Variants in SEMA6A observed in about 807,000 individuals in gnomAD.
SEMA6A encodes the protein semaphorin 6A.
In SEMA6A, 25 loss-of-function variants were observed where a neutral mutation model predicts 96.8. The observed-to-expected ratio is 0.26, with a 90% CI of 0.19 to 0.36. The LOEUF (loss-of-function observed/expected upper bound fraction) is 0.36. Among genes scored for constraint, SEMA6A ranks in the 10% least tolerant of loss-of-function variants. The pLI, the probability that SEMA6A is intolerant of heterozygous loss-of-function variation, is 1.00. For missense variants in SEMA6A, 1,363 were observed against 1,323.1 expected (o/e 1.03, Z -0.47); for synonymous variants, 612 against 518.0 (o/e 1.18, Z -2.46).
Position 116,516,130 on chromosome 5 carries a change from C to A in SEMA6A, c.-38-11148G>T, listed in dbSNP as rs77659032. Reference sequence around the variant, plus strand: ...GATGAGCTCTGATGCTTTCCCAGAACCCTGAAAGCCAAAAATAGAGTTTCT... The same window carrying A: ...GATGAGCTCTGATGCTTTCCCAGAAACCTGAAAGCCAAAAATAGAGTTTCT... On this transcript the variant is annotated intron_variant, in intron 1 of 18. Transcript: ENST00000343348. Among the ~76,000 whole-genome samples, 16 of 152,240 alleles carry A rather than the reference C, an allele frequency of 1.1e-4. No homozygotes were observed. In the East Asian group the frequency reaches 2.9e-3, roughly 28 times the overall value.
chr5:116,466,059 TAAAAA>T (rs35801222), intron 18 of SEMA6A, among the ~76,000 whole-genome samples: 3 of 93,656 alleles, frequency 3.2e-5, no homozygotes, highest in African/African-American at 8.6e-5. Flanking sequence ...AAAACCAGCT[TAAAAA>T]AAAAAAAAAA....
chr5:116,519,396 C>T (rs60388894), intron 1 of SEMA6A, among the ~76,000 whole-genome samples: 7,136 of 152,200 alleles, frequency 0.047, 587 homozygotes, highest in African/African-American at 0.16. Context: ...GAGAAAATAT[C>T]GTACAAGTGT....
In SEMA6A at chr5:116,480,203, T is replaced by C; in HGVS notation, c.1169A>G (p.Asn390Ser). Residue 390 changes from asparagine (N) to serine (S), a missense_variant, in exon 12 of 19, where the codon AAC becomes AGC. Transcript: ENST00000343348. ...TSNEFPDDTL[N>S]FIKTHPLMDE... ...CATGAGCGGGTGCGTCTTGATGAAG[T>C]TCAGGGTATCATCAGGGAACTCATT... 1 of 1,613,798 alleles carries C rather than the reference T, an allele frequency of 6.2e-7. No homozygotes were observed. Among genetic ancestry groups the C allele is most frequent in the Non-Finnish European group, 8.5e-7 (1 of 1,179,772 alleles).
chr5:116,507,732 C>A (rs1758214929), intron 1 of SEMA6A, among the ~76,000 whole-genome samples: 1 of 152,148 alleles, frequency 6.6e-6, no homozygotes, highest in Non-Finnish European at 1.5e-5. Context: ...GGAAGACTGT[C>A]AATATAAGGA....
chr5:116,568,607 A>C (rs1267131598), intron 1 of SEMA6A, among the ~76,000 whole-genome samples: 1 of 152,228 alleles, frequency 6.6e-6, no homozygotes, highest in Non-Finnish European at 1.5e-5. Context: ...CTGTCTTCTT[A>C]GCTCTGTTTC....
chr5:116,496,319 G>A lies in SEMA6A; in HGVS notation c.280-6C>T. On this transcript the variant is annotated splice_polypyrimidine_tract_variant and splice_region_variant and intron_variant, in intron 4 of 18. Transcript: ENST00000343348. ...CTAGATTTCCATGTCAGTTTCTGCA[G>A]GGATCAAGAAAGAAATCAATTAGAG... The A allele has an allele frequency of 6.2e-7, 1 of 1,613,176 alleles. No individual in the cohort carries two copies. Among genetic ancestry groups the A allele is most frequent in the African/African-American group, 1.3e-5 (1 of 74,998 alleles).
intron 1 of SEMA6A, among the ~76,000 whole-genome samples, chr5:116,507,398 G>T (rs1758188432): frequency 6.6e-6 from 1 of 152,096 alleles, no homozygotes; most frequent in African/African-American, 2.4e-5. Context: ...TTTGCGGAGG[G>T]ATCCCAATTC....
chr5:116,574,556 G>T lies in SEMA6A; in HGVS notation c.-410C>A, dbSNP rs1429835904. 2 of 143,558 alleles carry T rather than the reference G, an allele frequency of 1.4e-5. No individual in the cohort carries two copies. The highest frequency in any genetic ancestry group is 7.0e-5 in the Admixed American group (1 of 14,234). 8.9% of individuals were successfully genotyped at this position (143,558 alleles called of 1,614,324 possible). ...TCCACTTCGGTGAGTCCCCTTGGTG[G>T]TGTCTGCGCCGATTAACAAGTCATT... On this transcript the variant is annotated 5_prime_UTR_variant, in exon 1 of 19. Transcript: ENST00000343348.
intron 18 of SEMA6A, chr5:116,449,524 C>A: frequency 1.8e-6 from 1 of 555,000 alleles, no homozygotes; most frequent in Non-Finnish European, 3.2e-6. Flanking sequence ...GAAGCTTTCT[C>A]ATGGGGGTTT....
intron 1 of SEMA6A, among the ~76,000 whole-genome samples, chr5:116,535,648 G>A (rs1394055474): frequency 6.6e-6 from 1 of 152,200 alleles, no homozygotes; most frequent in Non-Finnish European, 1.5e-5. Flanking sequence ...TTGAAAAACA[G>A]GCTAAGACTG....
chr5:116,475,623 AAG>A lies in SEMA6A; in HGVS notation c.1650-22_1650-21del, dbSNP rs1181564796. ...GTCAGTCTTTTAAAAAAGGAAGGGA[AAG>A]AGAGACAGAAATGAATACAATAACG... On this transcript the variant is annotated intron_variant, in intron 15 of 18. Transcript: ENST00000343348. The A allele has an allele frequency of 2.6e-6, 4 of 1,563,876 alleles. No individual in the cohort carries two copies. Among genetic ancestry groups the A allele is most frequent in the African/African-American group, 2.7e-5 (2 of 74,114 alleles).
At chr5:116,495,288 A>G in intron 6 of SEMA6A, 125 bp downstream of exon 6, 1 of 713,462 alleles carries the variant, frequency 1.4e-6, no homozygotes, top group Admixed American at 2.3e-5. Context: ...CAATACATTA[A>G]GTTGAACAAG....
chr5:116,509,607 T>TGTGAGAGA (rs1554088477), intron 1 of SEMA6A, among the ~76,000 whole-genome samples: 17 of 150,444 alleles, frequency 1.1e-4, no homozygotes, highest in East Asian at 3.9e-4. Flanking sequence ...TCTGTGTGTG[T>TGTGAGAGA]GAGAGAGAGA....
chr5:116,534,501 T>G (rs937105062), intron 1 of SEMA6A, among the ~76,000 whole-genome samples: 3 of 152,216 alleles, frequency 2.0e-5, no homozygotes, highest in African/African-American at 7.2e-5. Flanking sequence ...CAGTGAAGTC[T>G]TCCCCTCACT....
At chr5:116,560,376 G>T (rs544167400) in intron 1 of SEMA6A, among the ~76,000 whole-genome samples, 1 of 151,972 alleles carries the variant, frequency 6.6e-6, no homozygotes, top group Non-Finnish European at 1.5e-5. Context: ...CTAGTTCATC[G>T]CTGCATCTCT....
intron 1 of SEMA6A, among the ~76,000 whole-genome samples, chr5:116,549,691 C>G (rs1468307760): frequency 1.3e-5 from 2 of 152,172 alleles, no homozygotes; most frequent in Non-Finnish European, 2.9e-5. Flanking sequence ...TGTGCCATAT[C>G]AGTACTTTTC....
In SEMA6A at chr5:116,511,332, TA is replaced by T. The variant is rs982807478; in HGVS notation, c.-38-6351del. ...GATGTCCAGTACAGATGCAATTTTT[TA>T]AAAAAAAATTTCTATCAGCGGTTGG... On this transcript the variant is annotated intron_variant, in intron 1 of 18. Transcript: ENST00000343348. Among the ~76,000 whole-genome samples the T allele has an allele frequency of 3.3e-5, 5 of 152,006 alleles. No individual in the cohort carries two copies. The South Asian group carries it at 1.0e-3, about 32-fold the overall frequency.
intron 1 of SEMA6A, among the ~76,000 whole-genome samples, chr5:116,505,403 T>C (rs1758096773): frequency 6.6e-6 from 1 of 151,790 alleles, no homozygotes. Flanking sequence ...CTGACCTAAA[T>C]GACAGTTTCC....
In SEMA6A at chr5:116,532,104, T is replaced by G. The variant is rs6866558; in HGVS notation, c.-38-27122A>C. ...GCTTCTATAGAAGTAAAAATTGCCTTGCTGAGGAAATTAAATTTATGTTCG... is the reference window on the plus strand; with the variant it reads ...GCTTCTATAGAAGTAAAAATTGCCTGGCTGAGGAAATTAAATTTATGTTCG... On this transcript the variant is annotated intron_variant, in intron 1 of 18. Transcript: ENST00000343348. Among the ~76,000 whole-genome samples the G allele has an allele frequency of 6.1e-3, 933 of 152,316 alleles. 16 individuals are homozygous for G. Among genetic ancestry groups the G allele is most frequent in the African/African-American group, 0.021 (886 of 41,560 alleles).
Sources: gnomAD v4.1 joint callset for allele counts (sites outside exome capture counted in the v4.1 genomes callset) on GRCh38, gnomAD v4.1.1 for gene constraint, MANE v1.5 for transcripts, NCBI Gene and HGNC (gene_info 2026-07-23, HGNC 2026-07-21) for gene names.